WNT10B: variants seen among roughly 807,000 people sequenced by gnomAD.
The protein encoded by WNT10B is Wnt family member 10B, also known as protein Wnt-10b.
Under a neutral mutation model 32.7 loss-of-function variants are expected in WNT10B, and 26 were observed. The observed-to-expected ratio is 0.79, with a 90% CI of 0.58 to 1.10. The LOEUF (loss-of-function observed/expected upper bound fraction) is 1.10. WNT10B is among the 50% of genes least tolerant of loss of function. The probability of loss-of-function intolerance (pLI) is 0.00; values close to 1 mark genes in which losing one functional copy is unlikely to be tolerated. For missense variants in WNT10B, 474 were observed against 532.5 expected (o/e 0.89, Z 1.08); for synonymous variants, 204 against 220.4 (o/e 0.93, Z 0.66).
At position 48,966,390 on chromosome 12, in the gene WNT10B, G is replaced by C. The variant is rs1433322485; in HGVS notation, c.875C>G (p.Ser292Cys). The C allele has an allele frequency of 6.2e-7, 1 of 1,614,152 alleles. No individual in the cohort carries two copies. The highest frequency in any genetic ancestry group is 2.2e-5 in the East Asian group (1 of 44,888). ...AIFIDTHNRN[S>C]GAFQPRLRPR... Reference sequence around the variant, plus strand: ...ACGCAGACGGGGCTGGAAGGCTCCAGAATTGCGGTTGTGGGTATCAATGAA... The same window carrying C: ...ACGCAGACGGGGCTGGAAGGCTCCACAATTGCGGTTGTGGGTATCAATGAA... The change falls in exon 5 of 5, where the codon TCT becomes TGT. Residue 292 changes from serine (S) to cysteine (C), a missense_variant. Transcript: ENST00000301061.
rs1361072056 is a variant in WNT10B, at chr12:48,966,230, G to T, written c.1035C>A (p.Gly345=). The T allele has an allele frequency of 1.2e-5, 19 of 1,614,020 alleles. No individual in the cohort carries two copies. Among genetic ancestry groups the T allele is most frequent in the Non-Finnish European group, 1.6e-5 (19 of 1,180,038 alleles). ...TGTGCCCACGGCCACAGCACAGGCTGCCACAGCCATCCAACAGGCGGCTGG... is the reference window on the plus strand; with the variant it reads ...TGTGCCCACGGCCACAGCACAGGCTTCCACAGCCATCCAACAGGCGGCTGG... ...NKTSRLLDGC[G]SLCCGRGHNV... is the part of the protein sequence containing the mutation. The change falls in exon 5 of 5, where the codon GGC becomes GGA. Residue 345 remains glycine, a synonymous_variant. Coordinates refer to ENST00000301061, the MANE Select transcript of WNT10B (RefSeq NM_003394.4).
Position 48,965,931 on chromosome 12 carries a change from A to C in WNT10B, c.*164T>G. 1.3e-6 allele frequency: 1 copy of C among 781,108 alleles called. No homozygotes were observed. The highest frequency in any genetic ancestry group is 2.1e-6 in the Non-Finnish European group (1 of 485,842). 48.4% of individuals were successfully genotyped at this position (781,108 alleles called of 1,614,324 possible). On this transcript the variant is annotated 3_prime_UTR_variant, in exon 5 of 5. Transcript: ENST00000301061. ...CCAATTGTTGGGGAGAAGGCTACAC[A>C]TCCCAGAGTCCACCTGACCCCCACC...
Position 48,965,899 on chromosome 12 carries a change from A to T in WNT10B, c.*196T>A. 1 of 651,214 alleles carries T rather than the reference A, an allele frequency of 1.5e-6. No homozygotes were observed. Among genetic ancestry groups the T allele is most frequent in the South Asian group, 1.9e-5 (1 of 53,122 alleles). 40.3% of individuals were successfully genotyped at this position (651,214 alleles called of 1,614,324 possible). ...GAAGAGGGGTGGCAGCTTCCCCTCA[A>T]GACCCTCCAATTGTTGGGGAGAAGG... On this transcript the variant is annotated 3_prime_UTR_variant, in exon 5 of 5. Transcript: ENST00000301061.
chr12:48,965,783 A>C lies in WNT10B; in HGVS notation c.*312T>G. The C allele has an allele frequency of 2.6e-6, 1 of 382,640 alleles. No homozygotes were observed. The allele number at this position is 382,640 out of a possible 1,614,324, so 23.7% of individuals were successfully genotyped here. Reference sequence around the variant, plus strand: ...TAGGGACTCCCCAGCCAAAAGGAGTATGAATCAGGGTTAAAGGGGCTCTGG... The same window carrying C: ...TAGGGACTCCCCAGCCAAAAGGAGTCTGAATCAGGGTTAAAGGGGCTCTGG... On this transcript the variant is annotated 3_prime_UTR_variant, in exon 5 of 5. Transcript: ENST00000301061.
At chr12:48,970,000 G>T in intron 3 of WNT10B, 89 bp downstream of exon 3, 1 of 1,362,052 alleles carries the variant, frequency 7.3e-7, no homozygotes, top group Non-Finnish European at 9.4e-7. Context: ...CCGGAGCCGC[G>T]AAACCATCCC....
chr12:48,965,794 T>G lies in WNT10B; in HGVS notation c.*301A>C. The G allele has an allele frequency of 2.4e-6, 1 of 423,340 alleles. No individual in the cohort carries two copies. The highest frequency in any genetic ancestry group is 4.4e-6 in the Non-Finnish European group (1 of 228,720). The allele number at this position is 423,340 out of a possible 1,614,324, so 26.2% of individuals were successfully genotyped here. A position where few individuals can be genotyped will look rare whatever the true frequency, so the allele number is the denominator to read the frequency against. The stretch of plus-strand genomic sequence containing the variant: ...CAGCCAAAAGGAGTATGAATCAGGG[T>G]TAAAGGGGCTCTGGAGTTGAGAAGT... On this transcript the variant is annotated 3_prime_UTR_variant, in exon 5 of 5. Coordinates refer to ENST00000301061, the MANE Select transcript of WNT10B (RefSeq NM_003394.4).
At chr12:48,969,286 C>CG (rs1432302634) in intron 3 of WNT10B, 2 of 380,994 alleles carry the variant, frequency 5.2e-6, no homozygotes, top group Non-Finnish European at 1.1e-5. Flanking sequence ...TTCTGATCCC[C>CG]CTAACTCCAA....
intron 3 of WNT10B, 143 bp downstream of exon 3, chr12:48,969,946 A>T: frequency 5.6e-6 from 6 of 1,071,558 alleles, no homozygotes; most frequent in East Asian, 3.1e-5. Context: ...GACCTGGCTC[A>T]GAGCGGCTCC....
chr12:48,967,886 C>T (rs1940767093), intron 4 of WNT10B, 60 bp downstream of exon 4: 1 of 1,600,298 alleles, frequency 6.2e-7, no homozygotes, highest in Non-Finnish European at 8.5e-7. Context: ...CCCTATGCCT[C>T]TCAAACTCTA....
Position 48,970,208 on chromosome 12 carries a change from A to G in WNT10B, c.218T>C (p.Leu73Pro). Reference protein sequence around the residue: ...LRNPDVTASALQGLHIAVHEC... With the variant: ...LRNPDVTASAPQGLHIAVHEC... ...GTGGACCGCGATGTGCAGACCCTGAAGCGCGGACGCCGTCACGTCGGGGTT... is the reference window on the plus strand; with the variant it reads ...GTGGACCGCGATGTGCAGACCCTGAGGCGCGGACGCCGTCACGTCGGGGTT... The change falls in exon 3 of 5, where the codon CTT becomes CCT. Residue 73 changes from leucine to proline, a missense_variant. Transcript: ENST00000301061. This position sits in a 1 kb window ranked among gnomAD's most constrained non-coding sequence, Gnocchi z 5.0. 2 of 1,594,572 alleles carry G rather than the reference A, an allele frequency of 1.3e-6. No individual in the cohort carries two copies. The highest frequency in any genetic ancestry group is 1.7e-6 in the Non-Finnish European group (2 of 1,170,900).
chr12:48,968,213 C>CCAGCCA lies in WNT10B; in HGVS notation c.438_443dup (p.Cys146_Gly147dup). 1.2e-6 allele frequency: 2 copies of CCAGCCA among 1,613,236 alleles called. No individual in the cohort carries two copies. Among genetic ancestry groups the CCAGCCA allele is most frequent in the Non-Finnish European group, 1.7e-6 (2 of 1,180,042 alleles). ...GCCGATCCTGCTCACCACTGCCCTTCCAGCCACAGCCACAGCTCACCAGCT... is the reference window on the plus strand; with the variant it reads ...GCCGATCCTGCTCACCACTGCCCTTCCAGCCACAGCCACAGCCACAGCTCACCAGCT... On this transcript the variant is annotated inframe_insertion, in exon 4 of 5. Transcript: ENST00000301061.
chr12:48,968,358 A>T lies in WNT10B; in HGVS notation c.338-39T>A, dbSNP rs559254134. 81 of 1,599,768 alleles carry T rather than the reference A, an allele frequency of 5.1e-5. 1 individual carries two copies. The South Asian group carries it at 8.3e-4, about 16-fold the overall frequency. On this transcript the variant is annotated intron_variant, in intron 3 of 4. Coordinates refer to ENST00000301061, the MANE Select transcript of WNT10B (RefSeq NM_003394.4). ...GGGTGTGATGGTGGAGGTAAGGTTG[A>T]CAGGCAGCTGAGAGTGTGGAGGCAG...
At position 48,967,845 on chromosome 12, in the gene WNT10B, C is replaced by T. The variant is rs1453471957; in HGVS notation, c.711+101G>A. ...TGGGTGACTTGCTGATGGTGAGTGT[C>T]AGTCACTCATCACACTTTATCCTAT... On this transcript the variant is annotated intron_variant, in intron 4 of 4. Transcript: ENST00000301061. 27 of 1,488,844 alleles carry T rather than the reference C, an allele frequency of 1.8e-5. No homozygotes were observed. In the East Asian group the frequency reaches 4.5e-4, roughly 25 times the overall value. 92.2% of individuals were successfully genotyped at this position (1,488,844 alleles called of 1,614,324 possible).
In WNT10B at chr12:48,970,198, C is replaced by T; in HGVS notation, c.228G>A (p.Leu76=). The change falls in exon 3 of 5, where the codon CTG becomes CTA. Residue 76 remains leucine, a synonymous_variant. Transcript: ENST00000301061. The surrounding 1 kb of genome is among the most constrained non-coding windows in gnomAD (Gnocchi z 5.0). ...GCTGACACTCGTGGACCGCGATGTG[C>T]AGACCCTGAAGCGCGGACGCCGTCA... ...PDVTASALQG[L]HIAVHECQHQ... The T allele has an allele frequency of 6.3e-7, 1 of 1,585,334 alleles. No individual in the cohort carries two copies. Among genetic ancestry groups the T allele is most frequent in the Non-Finnish European group, 8.6e-7 (1 of 1,166,456 alleles).
Position 48,970,251 on chromosome 12 carries a change from G to T in WNT10B, c.175C>A (p.Leu59Ile). ...TCGGGGTTGCGCAGGCACAGGCCTA[G>T]CTGCCGCTTGCTCAGGCCGGACAGC... Reference protein sequence around the residue: ...LTLSGLSKRQLGLCLRNPDVT... With the variant: ...LTLSGLSKRQIGLCLRNPDVT... Residue 59 changes from leucine to isoleucine, a missense_variant, in exon 3 of 5, where the codon CTA becomes ATA. Leu to Ile is a conservative substitution (Grantham distance 5). Coordinates refer to ENST00000301061, the MANE Select transcript of WNT10B (RefSeq NM_003394.4). The surrounding 1 kb of genome is among the most constrained non-coding windows in gnomAD (Gnocchi z 5.0). 1 of 1,612,058 alleles carries T rather than the reference G, an allele frequency of 6.2e-7. No individual in the cohort carries two copies. Among genetic ancestry groups the T allele is most frequent in the African/African-American group, 1.3e-5 (1 of 75,022 alleles).
At position 48,970,630 on chromosome 12, in the gene WNT10B, T is replaced by C; in HGVS notation, c.-40-61A>G. 3 of 1,370,004 alleles carry C rather than the reference T, an allele frequency of 2.2e-6. No homozygotes were observed. Among genetic ancestry groups the C allele is most frequent in the South Asian group, 2.5e-5 (2 of 79,648 alleles). 84.9% of individuals were successfully genotyped at this position (1,370,004 alleles called of 1,614,324 possible). A position where few individuals can be genotyped will look rare whatever the true frequency, so the allele number is the denominator to read the frequency against. ...AGGGCGGCTCGCTTGGGGAACCAAG[T>C]GACGCCCTTCTTCGGGCTCCTAACC... On this transcript the variant is annotated intron_variant, in intron 1 of 4. Transcript: ENST00000301061. This position sits in a 1 kb window ranked among gnomAD's most constrained non-coding sequence, Gnocchi z 5.0.
Position 48,968,113 on chromosome 12 carries a change from G to C in WNT10B, c.544C>G (p.Pro182Ala). ...SFPHSLPSPGPGSSPSPGPQD... is the reference protein window; with the variant it reads ...SFPHSLPSPGAGSSPSPGPQD... ...GGGCCAGGGCTGGGGCTTGAGCCAGGGCCAGGGCTGGGCAGAGAGTGGGGG... is the reference window on the plus strand; with the variant it reads ...GGGCCAGGGCTGGGGCTTGAGCCAGCGCCAGGGCTGGGCAGAGAGTGGGGG... Residue 182 changes from proline to alanine, a missense_variant, in exon 4 of 5, where the codon CCT (proline) becomes GCT (alanine). Physicochemically the swap from Pro to Ala is conservative, Grantham distance 27 (BLOSUM62 -1). Coordinates refer to ENST00000301061, the MANE Select transcript of WNT10B (RefSeq NM_003394.4). 1.9e-6 allele frequency: 3 copies of C among 1,614,166 alleles called. No homozygotes were observed. The highest frequency in any genetic ancestry group is 2.5e-6 in the Non-Finnish European group (3 of 1,179,988).
At position 48,970,838 on chromosome 12, in the gene WNT10B, C is replaced by G. The variant is rs1940841130; in HGVS notation, c.-40-269G>C. Reference sequence around the variant, plus strand: ...GCCCAATCAGACACAACGCCCGGCACACAGACACACACTCACTTGCAAACT... The same window carrying G: ...GCCCAATCAGACACAACGCCCGGCAGACAGACACACACTCACTTGCAAACT... On this transcript the variant is annotated intron_variant, in intron 1 of 4. Coordinates refer to ENST00000301061, the MANE Select transcript of WNT10B (RefSeq NM_003394.4). The surrounding 1 kb of genome is among the most constrained non-coding windows in gnomAD (Gnocchi z 5.0). 1.9e-6 allele frequency: 1 copy of G among 517,854 alleles called. No individual in the cohort carries two copies. Among genetic ancestry groups the G allele is most frequent in the Admixed American group, 3.3e-5 (1 of 30,726 alleles). 32.1% of individuals were successfully genotyped at this position (517,854 alleles called of 1,614,324 possible). A position where few individuals can be genotyped will look rare whatever the true frequency, so the allele number is the denominator to read the frequency against.
intron 4 of WNT10B, 80 bp from the exon 5 acceptor site, chr12:48,966,633 C>A (rs926708768): frequency 6.6e-7 from 1 of 1,507,986 alleles, no homozygotes. Context: ...GGGAAGGGAA[C>A]AGAGAACACA....
Sources: allele counts gnomAD v4.1 joint callset, GRCh38; gene constraint gnomAD v4.1.1; non-coding constraint Gnocchi (gnomAD v3.1); transcripts MANE v1.5; gene names NCBI Gene and HGNC (gene_info 2026-07-23, HGNC 2026-07-21).